The following DGKD variants were observed in gnomAD, a reference collection of about 807,000 sequenced individuals.
The protein encoded by DGKD is diacylglycerol kinase delta.
In DGKD, 68 loss-of-function variants were observed where a neutral mutation model predicts 154.4. The observed-to-expected ratio is 0.44, with a 90% confidence interval of 0.36 to 0.54. DGKD has a LOEUF of 0.54. Ranked by LOEUF, DGKD falls within the 20% of genes least tolerant of loss-of-function variation. The probability of loss-of-function intolerance (pLI) is 0.00; values close to 1 mark genes in which losing one functional copy is unlikely to be tolerated. For missense variants in DGKD, 1,343 were observed against 1,593.6 expected (o/e 0.84, Z 2.68); for synonymous variants, 693 against 638.0 (o/e 1.09, Z -1.30).
intron 11 of DGKD, among the ~76,000 whole-genome samples, chr2:233,446,323 G>T (rs2063069188): frequency 6.6e-6 from 1 of 152,240 alleles, no homozygotes; most frequent in South Asian, 2.1e-4. Context: ...TCTGAGCACA[G>T]TTGTGGTTTT....
Position 233,459,873 on chromosome 2 carries a change from G to A in DGKD, c.2811G>A (p.Gln937=). The stretch of plus-strand genomic sequence containing the variant: ...GGATTGTCCACAAGAACCGGGCACA[G>A]ACACTGACCAGAGACAGGGTAAGAG... The part of the protein sequence containing the change: ...YIRIVHKNRA[Q]TLTRDRAFES... Residue 937 remains glutamine, a synonymous_variant, in exon 23 of 30, where the codon CAG becomes CAA. Transcript: ENST00000264057. This position sits in a 1 kb window ranked among gnomAD's most constrained non-coding sequence, Gnocchi z 5.7. The A allele has an allele frequency of 6.2e-7, 1 of 1,614,018 alleles. No homozygotes were observed. Among genetic ancestry groups the A allele is most frequent in the Non-Finnish European group, 8.5e-7 (1 of 1,179,940 alleles).
At chr2:233,416,862 C>A (rs905567519) in intron 3 of DGKD, among the ~76,000 whole-genome samples, 5 of 152,164 alleles carry the variant, frequency 3.3e-5, no homozygotes, top group African/African-American at 1.2e-4. Flanking sequence ...TCCAGCAGCC[C>A]AGCTACTGAA....
At chr2:233,451,795 T>C (rs1331688143) in intron 17 of DGKD, among the ~76,000 whole-genome samples, 169 bp from the exon 18 acceptor site, 2 of 152,216 alleles carry the variant, frequency 1.3e-5, no homozygotes, top group Admixed American at 6.5e-5. Flanking sequence ...CCAGTGATTT[T>C]TGACCTAAGA....
At chr2:233,403,075 T>C (rs991596737) in intron 3 of DGKD, among the ~76,000 whole-genome samples, 6 of 152,056 alleles carry the variant, frequency 3.9e-5, no homozygotes, top group African/African-American at 1.4e-4. Flanking sequence ...GACGGGTCCC[T>C]TTTGCAGAGA....
At chr2:233,370,567 C>CTTTTTTTT (rs201017453) in intron 1 of DGKD, among the ~76,000 whole-genome samples, 3 of 114,378 alleles carry the variant, frequency 2.6e-5, no homozygotes, top group Non-Finnish European at 5.3e-5. Flanking sequence ...TTCAGAACTT[C>CTTTTTTTT]TTCTTTTTTT....
chr2:233,432,751 AGG>A (rs1382660180), intron 3 of DGKD, among the ~76,000 whole-genome samples: 1 of 152,236 alleles, frequency 6.6e-6, no homozygotes, highest in African/African-American at 2.4e-5. Context: ...ATAATTCAAA[AGG>A]GGAAAAATCT....
intron 14 of DGKD, among the ~76,000 whole-genome samples, chr2:233,448,583 G>A (rs1672763424): frequency 6.6e-6 from 1 of 152,240 alleles, no homozygotes; most frequent in Non-Finnish European, 1.5e-5. Context: ...TCCACACTGT[G>A]GGAGCTGCCC....
At chr2:233,355,349 A>G (rs1574965958) in intron 1 of DGKD, among the ~76,000 whole-genome samples, 1 of 152,296 alleles carries the variant, frequency 6.6e-6, no homozygotes, top group South Asian at 2.1e-4. Context: ...TTGCAGGAGG[A>G]AAGTTGCACC....
intron 1 of DGKD, among the ~76,000 whole-genome samples, chr2:233,372,295 T>A (rs1381879363): frequency 6.6e-6 from 1 of 152,244 alleles, no homozygotes; most frequent in Non-Finnish European, 1.5e-5. Flanking sequence ...TGGCTAGGAT[T>A]ACAGGCGTGA....
At position 233,354,504 on chromosome 2, in the gene DGKD, C is replaced by G. The variant is rs1318666068; in HGVS notation, c.-15C>G. On this transcript the variant is annotated 5_prime_UTR_variant, in exon 1 of 30. Coordinates refer to ENST00000264057, the MANE Select transcript of DGKD (RefSeq NM_152879.3). This position sits in a 1 kb window ranked among gnomAD's most constrained non-coding sequence, Gnocchi z 4.8. The stretch of plus-strand genomic sequence containing the variant: ...GCCCCGCCCCCGCCCGCGGTGCGCG[C>G]GCTGGCCCGGCAGCATGGCGGCGGC... The G allele has an allele frequency of 3.1e-6, 3 of 977,370 alleles. No individual in the cohort carries two copies. The highest frequency in any genetic ancestry group is 6.4e-5 in the Admixed American group (1 of 15,684). The allele number at this position is 977,370 out of a possible 1,614,324, so 60.5% of individuals were successfully genotyped here.
At position 233,463,293 on chromosome 2, in the gene DGKD, G is replaced by A. The variant is rs886407979; in HGVS notation, c.3186+558G>A. On this transcript the variant is annotated intron_variant, in intron 26 of 29. Coordinates refer to ENST00000264057, the MANE Select transcript of DGKD (RefSeq NM_152879.3). ...CACTGCACGCGTCTCCTCACTGCAC[G>A]CATCACCTCACTCCACACATCACCT... Among the ~76,000 whole-genome samples, 16 of 151,132 alleles carry A rather than the reference G, an allele frequency of 1.1e-4. 1 individual carries two copies. The highest frequency in any genetic ancestry group is 4.2e-4 in the South Asian group (2 of 4,794).
At chr2:233,442,706 A>G (rs956686942) in intron 10 of DGKD, 1 of 156,192 alleles carries the variant, frequency 6.4e-6, no homozygotes, top group African/African-American at 2.4e-5. Context: ...CCCCGGTTCA[A>G]GTGATTCTCC....
At chr2:233,379,278 G>A (rs1702757364) in intron 1 of DGKD, among the ~76,000 whole-genome samples, 1 of 152,186 alleles carries the variant, frequency 6.6e-6, no homozygotes, top group Non-Finnish European at 1.5e-5. Flanking sequence ...TCCCAGCCAA[G>A]AGAAGAGGAG....
At chr2:233,357,563 G>T (rs1701585521) in intron 1 of DGKD, among the ~76,000 whole-genome samples, 1 of 144,056 alleles carries the variant, frequency 6.9e-6, no homozygotes, top group South Asian at 2.2e-4. Flanking sequence ...TTTGAGACAA[G>T]GTCTCACTTT....
Position 233,445,651 on chromosome 2 carries a change from C to T in DGKD, c.1223C>T (p.Thr408Ile). The T allele has an allele frequency of 6.2e-7, 1 of 1,612,600 alleles. No individual in the cohort carries two copies. The highest frequency in any genetic ancestry group is 8.5e-7 in the Non-Finnish European group (1 of 1,179,300). Residue 408 changes from threonine to isoleucine, a missense_variant, in exon 11 of 30, where the codon ACA becomes ATA. By Grantham distance (89) the Thr-to-Ile change is moderately conservative. Transcript: ENST00000264057. This position sits in a 1 kb window ranked among gnomAD's most constrained non-coding sequence, Gnocchi z 5.5. ...QCQLGVLPLGTGNDLARVLGW... is the reference protein window; with the variant it reads ...QCQLGVLPLGIGNDLARVLGW... ...CAGCTGGGAGTGCTGCCGCTCGGCA[C>T]AGGGAACGACTTGGCCCGAGTACTG...
intron 3 of DGKD, among the ~76,000 whole-genome samples, chr2:233,424,559 T>C (rs2062228508): frequency 6.6e-6 from 1 of 152,180 alleles, no homozygotes; most frequent in Non-Finnish European, 1.5e-5. Context: ...TGAGTGAGCT[T>C]GGGAGAGCTC....
chr2:233,354,639 C>A lies in DGKD; in HGVS notation c.121C>A (p.Arg41Ser), dbSNP rs868182868. 1 of 1,112,242 alleles carries A rather than the reference C, an allele frequency of 9.0e-7. No individual in the cohort carries two copies. Among genetic ancestry groups the A allele is most frequent in the Non-Finnish European group, 1.1e-6 (1 of 897,736 alleles). 68.9% of individuals were successfully genotyped at this position (1,112,242 alleles called of 1,614,324 possible). The change falls in exon 1 of 30, where the codon CGC becomes AGC. Residue 41 changes from arginine (R) to serine (S), a missense_variant. Physicochemically the swap from Arg to Ser is moderately radical, Grantham distance 110. Around this residue, in one of 6 missense-constraint regions of DGKD, gnomAD observed 332 missense variants for 400.1 expected, o/e 0.83. Transcript: ENST00000264057. The surrounding 1 kb of genome is among the most constrained non-coding windows in gnomAD (Gnocchi z 4.8). ...GCCCGGCTCCCCACAGAAGCTCATCCGCAAGGTGTCCACGTCGGGTCAGAT... is the reference window on the plus strand; with the variant it reads ...GCCCGGCTCCCCACAGAAGCTCATCAGCAAGGTGTCCACGTCGGGTCAGAT... ...AEPGSPQKLI[R>S]KVSTSGQIRQ...
At chr2:233,379,706 G>C (rs530537436) in intron 1 of DGKD, 1 of 152,326 alleles carries the variant, frequency 6.6e-6, no homozygotes, top group South Asian at 2.1e-4. Flanking sequence ...GGTGTGCTTA[G>C]GAACCACCTG....
At chr2:233,401,969 G>A (rs1427785292) in intron 3 of DGKD, among the ~76,000 whole-genome samples, 1 of 148,098 alleles carries the variant, frequency 6.8e-6, no homozygotes, top group Non-Finnish European at 1.5e-5. Flanking sequence ...AAACCATCGA[G>A]GGGCCCCTCG....
Sources: allele counts gnomAD v4.1 joint callset (sites outside exome capture counted in the v4.1 genomes callset), GRCh38; gene constraint gnomAD v4.1.1; regional missense constraint gnomAD v4.1.1; non-coding constraint Gnocchi (gnomAD v3.1); transcripts MANE v1.5; gene names NCBI Gene and HGNC (gene_info 2026-07-23, HGNC 2026-07-21).